Variants in FNBP1 observed in about 807,000 individuals in gnomAD.
FNBP1 encodes formin binding protein 1.
Under a neutral mutation model 90.6 loss-of-function variants are expected in FNBP1, and 26 were observed. The observed-to-expected ratio is 0.29, with a 90% confidence interval of 0.21 to 0.40. The LOEUF (loss-of-function observed/expected upper bound fraction) is 0.40. Ranked by LOEUF, FNBP1 falls within the 10% of genes least tolerant of loss-of-function variation. The probability of loss-of-function intolerance (pLI) is 1.00; values close to 1 mark genes in which losing one functional copy is unlikely to be tolerated. For synonymous variants in FNBP1, 260 were observed against 265.2 expected (o/e 0.98, Z 0.19); for missense variants, 635 against 768.0 (o/e 0.83, Z 2.05).
At chr9:130,011,572 C>T (rs2056607612) in intron 1 of FNBP1, among the ~76,000 whole-genome samples, 1 of 151,932 alleles carries the variant, frequency 6.6e-6, no homozygotes, top group Non-Finnish European at 1.5e-5. Context: ...CCATCCCTTC[C>T]CCATGTGGCA....
intron 1 of FNBP1, among the ~76,000 whole-genome samples, chr9:130,024,248 C>CA (rs1745554105): frequency 6.6e-6 from 1 of 151,272 alleles, no homozygotes; most frequent in African/African-American, 2.4e-5. Flanking sequence ...TATCTCTACC[C>CA]CCCCCAAAAA....
chr9:129,890,360 C>A lies in FNBP1; in HGVS notation c.*179G>T. On this transcript the variant is annotated 3_prime_UTR_variant, in exon 17 of 17. Transcript: ENST00000446176. The surrounding 1 kb of genome is among the most constrained non-coding windows in gnomAD (Gnocchi z 5.8). ...GAGACTTGTCCCCCACGAGGTGGCCCGGGCTGGGCGGGAGGGCAGGGCCGC... is the reference window on the plus strand; with the variant it reads ...GAGACTTGTCCCCCACGAGGTGGCCAGGGCTGGGCGGGAGGGCAGGGCCGC... 1.8e-6 allele frequency: 1 copy of A among 544,484 alleles called. No individual in the cohort carries two copies. The highest frequency in any genetic ancestry group is 2.1e-5 in the South Asian group (1 of 48,608). 33.7% of individuals were successfully genotyped at this position (544,484 alleles called of 1,614,324 possible). A position where few individuals can be genotyped will look rare whatever the true frequency, so the allele number is the denominator to read the frequency against.
At chr9:129,965,083 C>T (rs1394818331) in intron 4 of FNBP1, among the ~76,000 whole-genome samples, 1 of 152,112 alleles carries the variant, frequency 6.6e-6, no homozygotes. Flanking sequence ...GAGCAGCTTC[C>T]AAGTCTGAAT....
chr9:129,970,926 AC>A (rs2049354903), intron 4 of FNBP1, among the ~76,000 whole-genome samples: 1 of 152,040 alleles, frequency 6.6e-6, no homozygotes, highest in Non-Finnish European at 1.5e-5. Flanking sequence ...TCACTCTGTC[AC>A]CTACGCTTGA....
At position 130,030,435 on chromosome 9, in the gene FNBP1, C is replaced by CA. The variant is rs66826963; in HGVS notation, c.24+12516dup. Among the ~76,000 whole-genome samples the CA allele has an allele frequency of 5.4e-3, 694 of 128,354 alleles. 3 individuals are homozygous for CA. The highest frequency in any genetic ancestry group is 0.013 in the South Asian group (51 of 3,966). 84.2% of individuals were successfully genotyped at this position (128,354 alleles called of 152,430 possible). The stretch of plus-strand genomic sequence containing the variant: ...GGGTGACAGAGCAAGACTCCGTCTC[C>CA]AAAAAAAAAAAAAAAAATCTAAACA... On this transcript the variant is annotated intron_variant, in intron 1 of 16. Transcript: ENST00000446176.
chr9:130,036,316 T>C (rs2059308091), intron 1 of FNBP1, among the ~76,000 whole-genome samples: 1 of 152,210 alleles, frequency 6.6e-6, no homozygotes, highest in Non-Finnish European at 1.5e-5. Context: ...TGGGTGATAC[T>C]TGAATAGTCC....
chr9:129,909,156 A>G (rs1167138575), intron 11 of FNBP1, 157 bp from the exon 12 acceptor site: 7 of 667,694 alleles, frequency 1.0e-5, no homozygotes, highest in African/African-American at 1.8e-5. Context: ...CGAGATGCAA[A>G]AATCAATGCA....
At chr9:130,034,474 C>G (rs1015334370) in intron 1 of FNBP1, among the ~76,000 whole-genome samples, 1 of 152,122 alleles carries the variant, frequency 6.6e-6, no homozygotes, top group African/African-American at 2.4e-5. Context: ...CAGAGTGAGA[C>G]TCTGTATTCC....
rs1240036195 is a variant in FNBP1 at position 129,957,948 on chromosome 9, TTA to T, written c.409-486_409-485del. Among the ~76,000 whole-genome samples, 4 of 152,208 alleles carry T rather than the reference TTA, an allele frequency of 2.6e-5. No homozygotes were observed. Among genetic ancestry groups the T allele is most frequent in the Admixed American group, 2.6e-4 (4 of 15,266 alleles). On this transcript the variant is annotated intron_variant, in intron 5 of 16. Coordinates refer to ENST00000446176, the MANE Select transcript of FNBP1 (RefSeq NM_015033.3). The surrounding 1 kb of genome is among the most constrained non-coding windows in gnomAD (Gnocchi z 4.3). ...TATTTCCATCAAAACTGTCTAATCTTTATTATTTCCACGTGACTTTTAGAAAA... is the reference window on the plus strand; with the variant it reads ...TATTTCCATCAAAACTGTCTAATCTTTTATTTCCACGTGACTTTTAGAAAA...
intron 6 of FNBP1, among the ~76,000 whole-genome samples, chr9:129,954,125 T>C (rs2046580762): frequency 1.3e-5 from 2 of 151,946 alleles, no homozygotes; most frequent in South Asian, 4.1e-4. Flanking sequence ...ATAGGGGAGA[T>C]ATATGCAGCA....
intron 10 of FNBP1, among the ~76,000 whole-genome samples, chr9:129,916,850 T>C (rs1422779554): frequency 1.3e-5 from 2 of 152,104 alleles, no homozygotes; most frequent in East Asian, 3.9e-4. Context: ...TCTAAGAAAC[T>C]ACCTGCAGGA....
chr9:129,944,295 C>T (rs1386888756), intron 6 of FNBP1, among the ~76,000 whole-genome samples: 7 of 152,040 alleles, frequency 4.6e-5, no homozygotes, highest in African/African-American at 1.7e-4. Context: ...GTAATCCCAG[C>T]ACTTTGGGAG....
chr9:129,909,037 C>G, intron 11 of FNBP1, 38 bp from the exon 12 acceptor site: 4 of 1,448,912 alleles, frequency 2.8e-6, no homozygotes, highest in Non-Finnish European at 3.9e-6. Flanking sequence ...CAGAAAGCCC[C>G]AGGCTTTCCT....
the FNBP1 span, among the ~76,000 whole-genome samples, chr9:130,052,519 G>A: frequency 1.1e-4 from 16 of 151,962 alleles, no homozygotes. Flanking sequence ...TGAAACCTCT[G>A]CCTCCCAGGT....
intron 4 of FNBP1, 84 bp downstream of exon 4, chr9:129,978,381 T>C: frequency 5.1e-6 from 6 of 1,178,342 alleles, no homozygotes; most frequent in African/African-American, 1.5e-5. Flanking sequence ...TCTTATATGG[T>C]TTTATTTAAT....
In FNBP1 at chr9:130,042,796, A is replaced by AG. The variant is rs2059957924; in HGVS notation, c.24+155dup. Among the ~76,000 whole-genome samples, 1 of 151,622 alleles carries AG rather than the reference A, an allele frequency of 6.6e-6. No homozygotes were observed. Reference sequence around the variant, plus strand: ...CCTCCTGCTCGGGCCAAGGCGGACGAGGGGCATTGGAACCCCGCCTCCTCC... The same window carrying AG: ...CCTCCTGCTCGGGCCAAGGCGGACGAGGGGGCATTGGAACCCCGCCTCCTCC... On this transcript the variant is annotated intron_variant, in intron 1 of 16. Coordinates refer to ENST00000446176, the MANE Select transcript of FNBP1 (RefSeq NM_015033.3). This position sits in a 1 kb window ranked among gnomAD's most constrained non-coding sequence, Gnocchi z 5.5.
intron 2 of FNBP1, among the ~76,000 whole-genome samples, chr9:129,984,596 G>A (rs955033510): frequency 6.6e-6 from 1 of 152,172 alleles, no homozygotes; most frequent in Non-Finnish European, 1.5e-5. Flanking sequence ...TGCCCTGGGG[G>A]TTCGCCCCAA....
At chr9:129,932,160 G>A (rs1398189784) in intron 6 of FNBP1, among the ~76,000 whole-genome samples, 3 of 151,780 alleles carry the variant, frequency 2.0e-5, no homozygotes, top group South Asian at 2.1e-4. Context: ...GCAGCGAGCC[G>A]AGATCGCACC....
intron 1 of FNBP1, among the ~76,000 whole-genome samples, chr9:130,037,945 A>C (rs754466630): frequency 9.2e-5 from 14 of 152,216 alleles, no homozygotes; most frequent in Non-Finnish European, 1.8e-4. Flanking sequence ...CAGTTGGTAG[A>C]CAATCCTCAA....
Sources: allele counts gnomAD v4.1 joint callset (sites outside exome capture counted in the v4.1 genomes callset), GRCh38; gene constraint gnomAD v4.1.1; non-coding constraint Gnocchi (gnomAD v3.1); transcripts MANE v1.5; gene names NCBI Gene and HGNC (gene_info 2026-07-23, HGNC 2026-07-21).